The following NKTR variants were observed in gnomAD, a reference collection of about 807,000 sequenced individuals.
NKTR encodes natural killer cell triggering receptor.
NKTR carries 67 observed loss-of-function variants against 156.3 expected under a neutral mutation model. The observed-to-expected ratio is 0.43, with a 90% confidence interval of 0.35 to 0.53. NKTR has a LOEUF of 0.53. NKTR is among the 20% of genes least tolerant of loss of function. The pLI, the probability that NKTR is intolerant of heterozygous loss-of-function variation, is 0.01. For missense variants in NKTR, 1,604 were observed against 1,730.9 expected, an observed-to-expected ratio of 0.93 and a Z score of 1.30; for synonymous variants, 640 against 596.6, an observed-to-expected ratio of 1.07 and a Z score of -1.06.
At chr3:42,630,606 A>G (rs1577527748) in intron 7 of NKTR, 31 bp downstream of exon 7, 2 of 1,613,214 alleles carry the variant, frequency 1.2e-6, no homozygotes, top group South Asian at 1.1e-5. Context: ...ACATTGGGGA[A>G]GTGTTTGGGT....
chr3:42,617,642 C>T lies in NKTR; in HGVS notation c.131C>T (p.Ser44Leu), dbSNP rs750351528. The part of the protein sequence containing the change: ...KTCKNFLCLC[S>L]GEKGLGKTTG... ...TGCAAAAACTTCCTTTGCTTGTGCT[C>T]AGGTAAGTGAATTATTATTTCCAAT... The change falls in exon 3 of 17, where the codon TCA becomes TTA. Residue 44 changes from serine to leucine, a missense_variant and splice_region_variant. Ser to Leu is a moderately radical substitution (Grantham distance 145). Around this residue, in one of 6 missense-constraint regions of NKTR, gnomAD observed 73 missense variants for 90.7 expected, o/e 0.80. Transcript: ENST00000232978. 1 of 1,545,242 alleles carries T rather than the reference C, an allele frequency of 6.5e-7. No individual in the cohort carries two copies. The highest frequency in any genetic ancestry group is 1.7e-5 in the Admixed American group (1 of 59,818).
At chr3:42,600,913 C>T in intron 1 of NKTR, 71 bp from the exon 2 acceptor site, 1 of 974,762 alleles carries the variant, frequency 1.0e-6, no homozygotes, top group Non-Finnish European at 1.4e-6. Context: ...TCGTCTCAGC[C>T]CCGCCCTCGC....
At chr3:42,621,230 A>G in intron 5 of NKTR, 199 bp from the exon 6 acceptor site, 3 of 1,237,384 alleles carry the variant, frequency 2.4e-6, no homozygotes, top group Non-Finnish European at 3.0e-6. Context: ...CTTTTCCTCA[A>G]GGCTTTAATT....
At position 42,639,349 on chromosome 3, in the gene NKTR, G is replaced by C. The variant is rs763642823; in HGVS notation, c.3645G>C (p.Glu1215Asp). The C allele has an allele frequency of 2.5e-6, 4 of 1,614,142 alleles. No homozygotes were observed. The East Asian group carries it at 8.9e-5, about 36-fold the overall frequency. ...GTACCGGGAAGAAGGAGGTGGCTGAGAAGAGCCAGATCAACCTCATTGATA... is the reference window on the plus strand; with the variant it reads ...GTACCGGGAAGAAGGAGGTGGCTGACAAGAGCCAGATCAACCTCATTGATA... ...GESTGKKEVA[E>D]KSQINLIDKK... is the part of the protein sequence containing the mutation. Residue 1215 changes from glutamate to aspartate, a missense_variant, in exon 13 of 17, where the codon GAG becomes GAC. Physicochemically the swap from Glu to Asp is conservative, Grantham distance 45 (BLOSUM62 2). Coordinates refer to ENST00000232978, the MANE Select transcript of NKTR (RefSeq NM_005385.4).
At position 42,621,484 on chromosome 3, in the gene NKTR, A is replaced by C. The variant is rs35419602; in HGVS notation, c.342A>C (p.Arg114=). ...CGTTCCTTTTATCAATGGCAAATCG[A>C]GGGAAACATACCAATGGTTCCCAGT... ...DRAFLLSMAN[R]GKHTNGSQFF... Residue 114 remains arginine (R), a synonymous_variant, in exon 6 of 17, where the codon CGA becomes CGC. Coordinates refer to ENST00000232978, the MANE Select transcript of NKTR (RefSeq NM_005385.4). 22,936 of 1,609,388 alleles carry C rather than the reference A, an allele frequency of 0.014. 192 individuals are homozygous for C. Among genetic ancestry groups the C allele is most frequent in the Non-Finnish European group, 0.017 (19,726 of 1,177,434 alleles).
rs1708393744 is a variant in NKTR at position 42,626,403 on chromosome 3, T to C, written c.375-4143T>C. Among the ~76,000 whole-genome samples, 3 of 152,194 alleles carry C rather than the reference T, an allele frequency of 2.0e-5. No homozygotes were observed. The South Asian group carries it at 6.2e-4, about 32-fold the overall frequency. ...ATATAGATAAAAATTGGTCAGTGTG[T>C]GTTCTCCAAAAAAAAATCTTGATAA... On this transcript the variant is annotated intron_variant, in intron 6 of 16. Coordinates refer to ENST00000232978, the MANE Select transcript of NKTR (RefSeq NM_005385.4).
At chr3:42,630,957 T>A in intron 7 of NKTR, 2 of 1,408,288 alleles carry the variant, frequency 1.4e-6, no homozygotes, top group Non-Finnish European at 1.8e-6. Flanking sequence ...GAACCATTGT[T>A]TTAAAGGCAG....
intron 3 of NKTR, among the ~76,000 whole-genome samples, chr3:42,617,884 G>A (rs1006878983): frequency 1.3e-5 from 2 of 151,834 alleles, no homozygotes; most frequent in African/African-American, 4.8e-5. Context: ...GTTATATAAT[G>A]GAATCTTCTC....
At chr3:42,624,876 A>C (rs922554367) in intron 6 of NKTR, among the ~76,000 whole-genome samples, 1 of 152,202 alleles carries the variant, frequency 6.6e-6, no homozygotes, top group African/African-American at 2.4e-5. Context: ...TTAATCAAAA[A>C]GACAAAGATG....
intron 2 of NKTR, 74 bp downstream of exon 2, chr3:42,601,138 A>AC: frequency 7.9e-7 from 1 of 1,266,980 alleles, no homozygotes; most frequent in Non-Finnish European, 1.1e-6. Flanking sequence ...ACCCTCAGCA[A>AC]CCCTCCCCCG....
chr3:42,621,666 C>CGGG, intron 6 of NKTR, 150 bp downstream of exon 6: 1 of 779,318 alleles, frequency 1.3e-6, no homozygotes, highest in Non-Finnish European at 1.9e-6. Context: ...CTTATAAGGT[C>CGGG]TAACAACTGC....
At position 42,647,849 on chromosome 3, in the gene NKTR, A is replaced by G. The variant is rs751004642; in HGVS notation, c.*1874A>G. On this transcript the variant is annotated 3_prime_UTR_variant, in exon 17 of 17. Coordinates refer to ENST00000232978, the MANE Select transcript of NKTR (RefSeq NM_005385.4). ...CAAATTACCCCAAATTTAGCAGTTT[A>G]AAAAACAATACCCATAGCAGTTCTG... 6 of 152,206 alleles carry G rather than the reference A, an allele frequency of 3.9e-5. No individual in the cohort carries two copies. The highest frequency in any genetic ancestry group is 7.3e-5 in the Non-Finnish European group (5 of 68,044). The allele number at this position is 152,206 out of a possible 1,614,324, so 9.4% of individuals were successfully genotyped here. A position where few individuals can be genotyped will look rare whatever the true frequency, so the allele number is the denominator to read the frequency against.
At chr3:42,630,749 A>C (rs1708820582) in intron 7 of NKTR, 174 bp downstream of exon 7, 1 of 1,413,118 alleles carries the variant, frequency 7.1e-7, no homozygotes, top group African/African-American at 1.5e-5. Context: ...CATGGCTCTC[A>C]TGTGACTGAA....
intron 9 of NKTR, 51 bp downstream of exon 9, chr3:42,632,874 T>C: frequency 1.4e-6 from 2 of 1,443,810 alleles, no homozygotes; most frequent in Non-Finnish European, 1.8e-6. Flanking sequence ...CACTCTGGAA[T>C]GGGAAAAGTA....
intron 6 of NKTR, chr3:42,627,219 G>C: frequency 3.0e-6 from 3 of 984,676 alleles, no homozygotes; most frequent in Non-Finnish European, 3.6e-6. Flanking sequence ...TACACCGTGC[G>C]CTCCAAAGGT....
At position 42,638,328 on chromosome 3, in the gene NKTR, C is replaced by A. The variant is rs1472135725; in HGVS notation, c.2624C>A (p.Pro875His). ...GATCACCTTAGAAATGGCAGTAAGCCCAAAAGGAAGAATTATGCTGGTAGT... is the reference window on the plus strand; with the variant it reads ...GATCACCTTAGAAATGGCAGTAAGCACAAAAGGAAGAATTATGCTGGTAGT... Reference protein sequence around the residue: ...LSDHLRNGSKPKRKNYAGSKW... With the variant: ...LSDHLRNGSKHKRKNYAGSKW... Residue 875 changes from proline (P) to histidine (H), a missense_variant, in exon 13 of 17, where the codon CCC becomes CAC. Transcript: ENST00000232978. 6 of 1,610,698 alleles carry A rather than the reference C, an allele frequency of 3.7e-6. No homozygotes were observed. The South Asian group carries it at 6.6e-5, about 18-fold the overall frequency.
rs201808291 is a variant in NKTR, at chr3:42,632,810, A to G, written c.760A>G (p.Met254Val). Residue 254 changes from methionine to valine, a missense_variant, in exon 9 of 17, where the codon ATG (methionine) becomes GTG (valine). This residue lies in a region of NKTR where 1,255 missense variants were observed against 1,243.7 expected (regional missense o/e 1.01). Coordinates refer to ENST00000232978, the MANE Select transcript of NKTR (RefSeq NM_005385.4). The stretch of plus-strand genomic sequence containing the variant: ...AGAAGAGCCAAGGAATAAACATGCA[A>G]TGAACCCAAAAGGGTACGTGTAAAA... Reference protein sequence around the residue: ...SSEEPRNKHAMNPKGHSERSD... With the variant: ...SSEEPRNKHAVNPKGHSERSD... 3.3e-5 allele frequency: 52 copies of G among 1,596,152 alleles called. No homozygotes were observed. Among genetic ancestry groups the G allele is most frequent in the Non-Finnish European group, 4.1e-5 (48 of 1,172,918 alleles).
In NKTR at chr3:42,637,702, A is replaced by G; in HGVS notation, c.1998A>G (p.Lys666=). 6.2e-7 allele frequency: 1 copy of G among 1,614,124 alleles called. No homozygotes were observed. The highest frequency in any genetic ancestry group is 1.1e-5 in the South Asian group (1 of 91,066). The part of the protein sequence containing the change: ...KETGSSSSYH[K]REKNSESDQS... ...CTGGTAGCTCATCATCCTACCATAAAAGAGAAAAAAATTCGGAAAGTGATC... is the reference window on the plus strand; with the variant it reads ...CTGGTAGCTCATCATCCTACCATAAGAGAGAAAAAAATTCGGAAAGTGATC... The change falls in exon 13 of 17, where the codon AAA becomes AAG. Residue 666 remains lysine, a synonymous_variant. Coordinates refer to ENST00000232978, the MANE Select transcript of NKTR (RefSeq NM_005385.4).
At chr3:42,629,085 C>G (rs1435748919) in intron 6 of NKTR, 2 of 950,836 alleles carry the variant, frequency 2.1e-6, no homozygotes, top group Non-Finnish European at 2.5e-6. Context: ...AATTTCTTGT[C>G]TTTAGTGTAC....
Sources: gnomAD v4.1 joint callset for allele counts (sites outside exome capture counted in the v4.1 genomes callset) on GRCh38, gnomAD v4.1.1 for gene constraint, gnomAD v4.1.1 regional missense constraint, MANE v1.5 for transcripts, NCBI Gene and HGNC (gene_info 2026-07-23, HGNC 2026-07-21) for gene names.